Variants in HCN1 observed in about 807,000 individuals in gnomAD.
HCN1 encodes the protein potassium/sodium hyperpolarization-activated cyclic nucleotide-gated channel 1.
Under a neutral mutation model 78.9 loss-of-function variants are expected in HCN1, and 13 were observed. That is an observed-to-expected ratio of 0.16 (90% CI 0.11 to 0.26). HCN1 has a LOEUF of 0.26. Ranked by LOEUF, HCN1 falls within the 10% of genes least tolerant of loss-of-function variation. HCN1 has a pLI of 1.00. For missense variants in HCN1, 810 were observed against 1,154.3 expected (o/e 0.70, Z 4.32); for synonymous variants, 552 against 455.5 (o/e 1.21, Z -2.70).
intron 2 of HCN1, among the ~76,000 whole-genome samples, chr5:45,624,751 T>A (rs771662523): frequency 6.6e-6 from 1 of 151,790 alleles, no homozygotes; most frequent in Non-Finnish European, 1.5e-5. Flanking sequence ...CATTTGGGAA[T>A]GAGAAACATC....
At chr5:45,586,174 C>T (rs1461341922) in intron 2 of HCN1, among the ~76,000 whole-genome samples, 1 of 152,184 alleles carries the variant, frequency 6.6e-6, no homozygotes, top group East Asian at 1.9e-4. Context: ...GGGCTCCACC[C>T]AGTTCGAGCT....
rs1046658758 is a variant in HCN1, at chr5:45,399,339, T to A, written c.1012-2629A>T. ...TGAATCTGTGTGTGTGATGCTGCCA[T>A]CCTGCAGCTCTGCTGCTCATGTTCA... On this transcript the variant is annotated intron_variant, in intron 3 of 7. Transcript: ENST00000303230. 5.9e-5 allele frequency among the ~76,000 whole-genome samples: 9 copies of A among 152,224 alleles called. No homozygotes were observed. The East Asian group carries it at 1.5e-3, about 26-fold the overall frequency.
intron 6 of HCN1, among the ~76,000 whole-genome samples, chr5:45,283,320 G>A (rs1745205904): frequency 6.6e-6 from 1 of 152,048 alleles, no homozygotes; most frequent in South Asian, 2.1e-4. Context: ...AGGAGTTTCT[G>A]CACAGCAAAA....
At chr5:45,315,495 A>G (rs1308006656) in intron 5 of HCN1, among the ~76,000 whole-genome samples, 3 of 152,302 alleles carry the variant, frequency 2.0e-5, no homozygotes, top group East Asian at 1.9e-4. Flanking sequence ...TAACATCACA[A>G]TTAAAAGAAC....
intron 3 of HCN1, among the ~76,000 whole-genome samples, chr5:45,447,642 T>C (rs1201466652): frequency 6.6e-6 from 1 of 152,208 alleles, no homozygotes; most frequent in African/African-American, 2.4e-5. Context: ...AATTTATCAA[T>C]CTGTACTTTA....
intron 2 of HCN1, among the ~76,000 whole-genome samples, chr5:45,532,223 A>G (rs1051912030): frequency 6.6e-6 from 1 of 152,226 alleles, no homozygotes; most frequent in African/African-American, 2.4e-5. Flanking sequence ...AAAGGCGAGG[A>G]CCACAAATCT....
chr5:45,308,063 C>T (rs746740331), intron 5 of HCN1, among the ~76,000 whole-genome samples: 4 of 152,066 alleles, frequency 2.6e-5, no homozygotes, highest in Non-Finnish European at 5.9e-5. Flanking sequence ...TGATTTGGTG[C>T]TGTCCTTGAG....
At chr5:45,264,222 A>G (rs1019845428) in intron 7 of HCN1, among the ~76,000 whole-genome samples, 7 of 152,168 alleles carry the variant, frequency 4.6e-5, no homozygotes, top group Admixed American at 6.6e-5. Flanking sequence ...GACCTCAATA[A>G]ATTTTACCTT....
intron 5 of HCN1, among the ~76,000 whole-genome samples, chr5:45,331,003 A>G (rs997442793): frequency 6.6e-6 from 1 of 151,240 alleles, no homozygotes; most frequent in Non-Finnish European, 1.5e-5. Context: ...CTTGAAATAT[A>G]TAATTTAGAT....
intron 2 of HCN1, among the ~76,000 whole-genome samples, chr5:45,499,814 G>A (rs1170504225): frequency 6.6e-6 from 1 of 151,998 alleles, no homozygotes; most frequent in Non-Finnish European, 1.5e-5. Flanking sequence ...AGAAATGAAA[G>A]GCTTGAAAAA....
At chr5:45,695,581 T>A in intron 1 of HCN1, 88 bp downstream of exon 1, 1 of 1,276,616 alleles carries the variant, frequency 7.8e-7, no homozygotes, top group East Asian at 2.6e-5. Flanking sequence ...GCCCTCCTAG[T>A]CCCCGGGACG....
Position 45,362,505 on chromosome 5 carries a change from C to T in HCN1, c.1231-9259G>A, listed in dbSNP as rs533610976. Among the ~76,000 whole-genome samples, 6 of 152,102 alleles carry T rather than the reference C, an allele frequency of 3.9e-5. No homozygotes were observed. The East Asian group carries it at 9.7e-4, about 25-fold the overall frequency. ...AACAATGAAAGAAGTGTTTCTAATT[C>T]CATTTAAAGCTACTCTTTCACCTGT... On this transcript the variant is annotated intron_variant, in intron 4 of 7. Transcript: ENST00000303230.
chr5:45,423,155 C>A (rs2112069174), intron 3 of HCN1, among the ~76,000 whole-genome samples: 1 of 151,820 alleles, frequency 6.6e-6, no homozygotes, highest in African/African-American at 2.4e-5. Flanking sequence ...CACATGTACC[C>A]CATAAATACA....
chr5:45,512,671 T>C (rs1239211758), intron 2 of HCN1, among the ~76,000 whole-genome samples: 1 of 152,092 alleles, frequency 6.6e-6, no homozygotes, highest in Non-Finnish European at 1.5e-5. Flanking sequence ...GGTCATGGTG[T>C]GGCACTGAAT....
At chr5:45,667,779 C>G (rs555916319) in intron 1 of HCN1, among the ~76,000 whole-genome samples, 1 of 152,034 alleles carries the variant, frequency 6.6e-6, no homozygotes, top group Non-Finnish European at 1.5e-5. Flanking sequence ...GGTTGTCAAG[C>G]TACTATGACA....
chr5:45,512,201 T>C (rs919835330), intron 2 of HCN1, among the ~76,000 whole-genome samples: 4 of 152,090 alleles, frequency 2.6e-5, no homozygotes, highest in Non-Finnish European at 5.9e-5. Flanking sequence ...TCACATTTAA[T>C]TCATTTTACA....
In HCN1 at chr5:45,464,864, A is replaced by G. The variant is rs141747747; in HGVS notation, c.850-2857T>C. Among the ~76,000 whole-genome samples the G allele has an allele frequency of 2.6e-5, 4 of 152,236 alleles. No individual in the cohort carries two copies. The East Asian group carries it at 7.7e-4, about 29-fold the overall frequency. On this transcript the variant is annotated intron_variant, in intron 2 of 7. Coordinates refer to ENST00000303230, the MANE Select transcript of HCN1 (RefSeq NM_021072.4). ...AAGGCTACTTCCTTACGGAGCTCACACATCTGTAGATAGTCAGGTTAACCA... is the reference window on the plus strand; with the variant it reads ...AAGGCTACTTCCTTACGGAGCTCACGCATCTGTAGATAGTCAGGTTAACCA...
chr5:45,341,713 C>T (rs181575590), intron 5 of HCN1, among the ~76,000 whole-genome samples: 20 of 152,252 alleles, frequency 1.3e-4, no homozygotes, highest in African/African-American at 4.3e-4. Context: ...GCTATAGTTT[C>T]ACCACTGCAC....
intron 3 of HCN1, among the ~76,000 whole-genome samples, chr5:45,453,785 A>G (rs1271986570): frequency 6.6e-6 from 1 of 152,172 alleles, no homozygotes; most frequent in South Asian, 2.1e-4. Context: ...AATGTGTTAT[A>G]CATACATGAA....
Sources: allele counts gnomAD v4.1 joint callset (sites outside exome capture counted in the v4.1 genomes callset), GRCh38; gene constraint gnomAD v4.1.1; transcripts MANE v1.5; gene names NCBI Gene and HGNC (gene_info 2026-07-23, HGNC 2026-07-21).